CAPS2: variants seen among roughly 807,000 people sequenced by gnomAD.
CAPS2 encodes the protein calcyphosin-2.
Under a neutral mutation model 86.5 loss-of-function variants are expected in CAPS2, and 98 were observed. That is an observed-to-expected ratio of 1.13 (90% CI 0.96 to 1.34). The LOEUF is 1.34. CAPS2 is among the 40% of genes most tolerant of loss of function. CAPS2 has a pLI of 0.00. For synonymous variants in CAPS2, 210 were observed against 225.1 expected (o/e 0.93, Z 0.60); for missense variants, 729 against 686.8 (o/e 1.06, Z -0.69).
At chr12:75,311,321 G>A (rs968914760) in intron 7 of CAPS2, among the ~76,000 whole-genome samples, 1 of 152,110 alleles carries the variant, frequency 6.6e-6, no homozygotes, top group Non-Finnish European at 1.5e-5. Flanking sequence ...GAGCATGTTT[G>A]TTGACAAGCT....
chr12:75,380,272 T>G (rs964795403), intron 1 of CAPS2, among the ~76,000 whole-genome samples: 47 of 152,300 alleles, frequency 3.1e-4, no homozygotes, highest in African/African-American at 1.1e-3. Context: ...TTGAGATGGT[T>G]TGCTTAGTTA....
At position 75,284,672 on chromosome 12, in the gene CAPS2, G is replaced by A. The variant is rs183066855; in HGVS notation, c.1515+289C>T. Among the ~76,000 whole-genome samples, 18 of 152,098 alleles carry A rather than the reference G, an allele frequency of 1.2e-4. No homozygotes were observed. The East Asian group carries it at 3.5e-3, about 29-fold the overall frequency. ...ATTTTATAATACATATATTCACGTA[G>A]CTAGTCATTTATGGAGGCAACAACT... On this transcript the variant is annotated intron_variant, in intron 15 of 16. Coordinates refer to ENST00000393284, the Ensembl canonical transcript of CAPS2.
At chr12:75,309,099 G>T (rs888417558) in intron 7 of CAPS2, among the ~76,000 whole-genome samples, 3 of 152,066 alleles carry the variant, frequency 2.0e-5, no homozygotes, top group African/African-American at 7.2e-5. Context: ...AGAATTATGG[G>T]ATGGAGATGA....
chr12:75,333,336 G>A (rs988716637), upstream of CAPS2, among the ~76,000 whole-genome samples: 1 of 152,014 alleles, frequency 6.6e-6, no homozygotes, highest in African/African-American at 2.4e-5. Context: ...ATGTATGTGT[G>A]TATATGCCTA....
upstream of CAPS2, among the ~76,000 whole-genome samples, chr12:75,331,076 T>C (rs1193078186): frequency 1.3e-5 from 2 of 152,130 alleles, no homozygotes; most frequent in Non-Finnish European, 2.9e-5. Context: ...TGAGCCACCA[T>C]GCCCGGCCTA....
intron 11 of CAPS2, among the ~76,000 whole-genome samples, chr12:75,297,006 A>G (rs181365791): frequency 9.2e-5 from 14 of 152,308 alleles, no homozygotes; most frequent in Admixed American, 8.5e-4. Flanking sequence ...AGAGCATCAC[A>G]TATGTGGTTT....
At chr12:75,355,610 C>T (rs1443764441) in intron 1 of CAPS2, among the ~76,000 whole-genome samples, 4 of 152,144 alleles carry the variant, frequency 2.6e-5, no homozygotes, top group Non-Finnish European at 5.9e-5. Context: ...CCATTTGACC[C>T]AGCAATCCCA....
chr12:75,364,228 C>A (rs1299550475), intron 1 of CAPS2, among the ~76,000 whole-genome samples: 1 of 152,200 alleles, frequency 6.6e-6, no homozygotes, highest in Non-Finnish European at 1.5e-5. Context: ...ACATGTCTGA[C>A]CTCCCCTTTC....
exon 17 of CAPS2, chr12:75,278,379 T>C (rs1339391707): frequency 2.3e-5 from 23 of 983,560 alleles, no homozygotes; most frequent in South Asian, 1.9e-4. Context: ...CTCTTGCATA[T>C]CCTTTAATAT....
chr12:75,277,195 C>A, downstream of CAPS2: 5 of 947,692 alleles, frequency 5.3e-6, no homozygotes, highest in Non-Finnish European at 6.1e-6. Flanking sequence ...ACGTTACATT[C>A]CAAAAGTAGC....
At chr12:75,294,607 C>A (rs2036566285) in intron 11 of CAPS2, among the ~76,000 whole-genome samples, 1 of 152,080 alleles carries the variant, frequency 6.6e-6, no homozygotes, top group Admixed American at 6.5e-5. Flanking sequence ...TTTGTTTTTT[C>A]CCCCTCCCCC....
chr12:75,334,708 C>T (rs1378287428), upstream of CAPS2: 1 of 1,605,642 alleles, frequency 6.2e-7, no homozygotes, highest in East Asian at 2.2e-5. Context: ...AGGGCATCCT[C>T]CGCATCCTCC....
intron 1 of CAPS2, among the ~76,000 whole-genome samples, chr12:75,348,687 G>A (rs541947919): frequency 1.3e-5 from 2 of 152,244 alleles, no homozygotes; most frequent in African/African-American, 4.8e-5. Flanking sequence ...AATTATGTAC[G>A]TAACAGATTT....
chr12:75,338,908 A>G (rs936781134), intron 1 of CAPS2, among the ~76,000 whole-genome samples: 16 of 152,198 alleles, frequency 1.1e-4, no homozygotes, highest in South Asian at 2.1e-4. Context: ...AGCTCCATCC[A>G]TGTCCCTGCA....
exon 17 of CAPS2, chr12:75,277,367 C>T (rs1047579138): frequency 1.8e-5 from 18 of 976,276 alleles, no homozygotes; most frequent in Non-Finnish European, 1.9e-5. Context: ...CAGTATTAGT[C>T]ATTTTTAACA....
chr12:75,277,014 A>G, downstream of CAPS2: 1 of 984,818 alleles, frequency 1.0e-6, no homozygotes, highest in Non-Finnish European at 1.2e-6. Flanking sequence ...TCAAAGAAGA[A>G]TGCAGGCAGT....
chr12:75,309,808 G>A (rs2038948933), intron 7 of CAPS2, among the ~76,000 whole-genome samples: 1 of 152,144 alleles, frequency 6.6e-6, no homozygotes, highest in African/African-American at 2.4e-5. Context: ...GAAAAAGGCT[G>A]GCATTTATAA....
chr12:75,355,403 A>G (rs974097528), intron 1 of CAPS2, among the ~76,000 whole-genome samples: 1 of 152,232 alleles, frequency 6.6e-6, no homozygotes, highest in African/African-American at 2.4e-5. Flanking sequence ...GAGAAATGCA[A>G]ATCAAAATCG....
exon 17 of CAPS2, chr12:75,277,336 T>C: frequency 2.1e-6 from 2 of 969,146 alleles, no homozygotes; most frequent in Non-Finnish European, 2.5e-6. Flanking sequence ...TGAAAAACAC[T>C]ATATGCATAT....
Sources: allele counts gnomAD v4.1 joint callset (sites outside exome capture counted in the v4.1 genomes callset), GRCh38; gene constraint gnomAD v4.1.1; transcripts MANE v1.5; gene names NCBI Gene and HGNC (gene_info 2026-07-23, HGNC 2026-07-21).